Variants in GSR observed in about 807,000 individuals in gnomAD.
GSR encodes glutathione-disulfide reductase, also known as glutathione reductase, mitochondrial.
A neutral mutation model predicts 56.5 loss-of-function variants in GSR; 48 were observed. The ratio of observed to expected loss-of-function variants is 0.85; its 90% CI spans 0.67 to 1.08. The LOEUF (loss-of-function observed/expected upper bound fraction) is 1.08. GSR is among the 50% of genes least tolerant of loss of function. The probability of loss-of-function intolerance (pLI) is 0.00; values close to 1 mark genes in which losing one functional copy is unlikely to be tolerated. For synonymous variants in GSR, 264 were observed against 270.8 expected, an observed-to-expected ratio of 0.97 and a Z score of 0.25; for missense variants, 694 against 703.3, an observed-to-expected ratio of 0.99 and a Z score of 0.15.
At chr8:30,699,812 T>C (rs189740660) in intron 6 of GSR, among the ~76,000 whole-genome samples, 2 of 152,232 alleles carry the variant, frequency 1.3e-5, no homozygotes, top group East Asian at 3.9e-4. Context: ...TGTATTAAGT[T>C]GAAGAAAGAA....
intron 11 of GSR, 102 bp downstream of exon 11, chr8:30,681,828 G>A: frequency 1.8e-6 from 2 of 1,083,600 alleles, no homozygotes; most frequent in Non-Finnish European, 2.8e-6. Context: ...TGTAATCTGG[G>A]GCTGAGATAG....
At position 30,727,676 on chromosome 8, in the gene GSR, C is replaced by T; in HGVS notation, c.160G>A (p.Gly54Ser). 1 of 1,441,600 alleles carries T rather than the reference C, an allele frequency of 6.9e-7. No homozygotes were observed. The highest frequency in any genetic ancestry group is 9.0e-7 in the Non-Finnish European group (1 of 1,107,112). 89.3% of individuals were successfully genotyped at this position (1,441,600 alleles called of 1,614,324 possible). ...MACRQEPQPQ[G>S]PPPAAGAVAS... The stretch of plus-strand genomic sequence containing the variant: ...ACGGCGCCAGCAGCGGGCGGCGGGC[C>T]CTGCGGCTGCGGCTCCTGCCTGCAG... The change falls in exon 1 of 13, where the codon GGC (glycine) becomes AGC (serine). Residue 54 changes from glycine to serine, a missense_variant. Transcript: ENST00000221130.
chr8:30,699,773 G>A (rs1803666257), intron 6 of GSR, among the ~76,000 whole-genome samples: 1 of 151,994 alleles, frequency 6.6e-6, no homozygotes, highest in Admixed American at 6.6e-5. Context: ...TAAAATACAA[G>A]CTACTTTAGA....
At chr8:30,715,427 C>A (rs796090991) in intron 1 of GSR, among the ~76,000 whole-genome samples, 14 of 152,164 alleles carry the variant, frequency 9.2e-5, no homozygotes, top group African/African-American at 3.1e-4. Context: ...TAAGCCATTT[C>A]TAAGAAAGGA....
chr8:30,700,722 C>CAAAAAAAAAAAAAAAAAA (rs1563535549), intron 5 of GSR, among the ~76,000 whole-genome samples: 2 of 8,424 alleles, frequency 2.4e-4, no homozygotes, highest in African/African-American at 3.4e-4. Flanking sequence ...GATTTTGTCT[C>CAAAAAAAAAAAAAAAAAA]CAAAAAAAAA....
In GSR at chr8:30,703,106, C is replaced by G. The variant is rs775254703; in HGVS notation, c.627G>C (p.Glu209Asp). 27 of 1,614,114 alleles carry G rather than the reference C, an allele frequency of 1.7e-5. No individual in the cohort carries two copies. Among genetic ancestry groups the G allele is most frequent in the Non-Finnish European group, 2.3e-5 (27 of 1,180,002 alleles). The change falls in exon 5 of 13, where the codon GAG becomes GAC. Residue 209 changes from glutamate (E) to aspartate (D), a missense_variant. Glu to Asp is a conservative substitution (Grantham distance 45). Coordinates refer to ENST00000221130, the MANE Select transcript of GSR (RefSeq NM_000637.5). ...ATGGMPSTPHESQIPGASLGI... is the reference protein window; with the variant it reads ...ATGGMPSTPHDSQIPGASLGI... ...TGTATGACTCACCGGGGATCTGGCT[C>G]TCATGAGGGGTGGAGGGCATACCAC...
chr8:30,703,157 G>A lies in GSR; in HGVS notation c.576C>T (p.Thr192=), dbSNP rs547801306. The A allele has an allele frequency of 4.3e-5, 69 of 1,614,014 alleles. 1 individual carries two copies. In the South Asian group the frequency reaches 5.1e-4, roughly 12 times the overall value. ...PTIEVSGKKY[T]APHILIATGG... is the part of the protein sequence containing the mutation. Reference sequence around the variant, plus strand: ...CTGTGGCGATCAGGATGTGTGGGGCGGTGTACTTTTTCCCACTGACCTCTA... The same window carrying A: ...CTGTGGCGATCAGGATGTGTGGGGCAGTGTACTTTTTCCCACTGACCTCTA... The change falls in exon 5 of 13, where the codon ACC becomes ACT. Residue 192 remains threonine (T), a synonymous_variant. Coordinates refer to ENST00000221130, the MANE Select transcript of GSR (RefSeq NM_000637.5).
Position 30,682,166 on chromosome 8 carries a change from C to A in GSR, c.1154-105G>T, listed in dbSNP as rs998703354. On this transcript the variant is annotated intron_variant, in intron 10 of 12. Coordinates refer to ENST00000221130, the MANE Select transcript of GSR (RefSeq NM_000637.5). ...ATCTACCTTAATGCCCTAGTTCTGA[C>A]AGTTTCACACCATTGTTCATTACAC... The A allele has an allele frequency of 1.4e-5, 13 of 903,806 alleles. No individual in the cohort carries two copies. The African/African-American group carries it at 1.6e-4, about 11-fold the overall frequency. 56.0% of individuals were successfully genotyped at this position (903,806 alleles called of 1,614,324 possible).
At chr8:30,699,323 A>G (rs532321045) in intron 6 of GSR, among the ~76,000 whole-genome samples, 10 of 151,918 alleles carry the variant, frequency 6.6e-5, no homozygotes, top group Admixed American at 6.6e-4. Context: ...TTAAAAGAAA[A>G]TCTGGCCAGG....
chr8:30,709,957 G>GA (rs1804073555), intron 2 of GSR, 55 bp from the exon 3 acceptor site: 1 of 935,254 alleles, frequency 1.1e-6, no homozygotes, highest in Non-Finnish European at 1.7e-6. Flanking sequence ...AGTCCTGAGG[G>GA]AAAAAAGGAA....
rs972125926 is a variant in GSR at position 30,685,968 on chromosome 8, A to G, written c.1042-1769T>C. On this transcript the variant is annotated intron_variant, in intron 9 of 12. Coordinates refer to ENST00000221130, the MANE Select transcript of GSR (RefSeq NM_000637.5). The stretch of plus-strand genomic sequence containing the variant: ...CACCACTGACTCCAGCCTGGGCAAC[A>G]GAAAGAGACTCTGCCTCAAAAAAAA... 2.1e-5 allele frequency among the ~76,000 whole-genome samples: 3 copies of G among 143,380 alleles called. No homozygotes were observed. The Admixed American group carries it at 2.2e-4, about 10-fold the overall frequency. 94.1% of individuals were successfully genotyped at this position (143,380 alleles called of 152,430 possible). A position where few individuals can be genotyped will look rare whatever the true frequency, so the allele number is the denominator to read the frequency against.
chr8:30,679,774 C>T (rs1245479753), intron 12 of GSR, 105 bp from the exon 13 acceptor site: 20 of 994,216 alleles, frequency 2.0e-5, no homozygotes, highest in Admixed American at 1.2e-4. Context: ...GGCATGATCT[C>T]GGCTCGCTGC....
intron 9 of GSR, among the ~76,000 whole-genome samples, chr8:30,686,421 C>G (rs1450893240): frequency 6.6e-6 from 1 of 151,806 alleles, no homozygotes; most frequent in African/African-American, 2.4e-5. Flanking sequence ...TGCAATGGCT[C>G]ATGCCTGTAA....
chr8:30,687,436 A>T (rs1164479856), intron 9 of GSR: 1 of 151,968 alleles, frequency 6.6e-6, no homozygotes, highest in Non-Finnish European at 1.5e-5. Context: ...ACCTGAGGTC[A>T]GGAGTTCGAG....
rs778720785 is a variant in GSR at position 30,727,626 on chromosome 8, G to C, written c.210C>G (p.Ile70Met). The change falls in exon 1 of 13, where the codon ATC (isoleucine) becomes ATG (methionine). Residue 70 changes from isoleucine (I) to methionine (M), a missense_variant. Physicochemically the swap from Ile to Met is conservative, Grantham distance 10 (BLOSUM62 1). Transcript: ENST00000221130. The part of the protein sequence containing the change: ...GAVASYDYLV[I>M]GGGSGGLASA... ...TGGCCAGCCCGCCCGAGCCGCCCCC[G>C]ATCACCAGGTAGTCATAGGAGGCCA... 2.7e-5 allele frequency: 41 copies of C among 1,509,076 alleles called. No homozygotes were observed. The East Asian group carries it at 1.0e-3, about 38-fold the overall frequency. 93.5% of individuals were successfully genotyped at this position (1,509,076 alleles called of 1,614,324 possible).
intron 4 of GSR, among the ~76,000 whole-genome samples, chr8:30,706,168 C>A (rs1803911695): frequency 6.7e-6 from 1 of 148,802 alleles, no homozygotes; most frequent in South Asian, 2.2e-4. Context: ...AGAGTAAGAC[C>A]CTTTTCAAAA....
At chr8:30,692,495 CTTTTT>C (rs71206280) in intron 8 of GSR, among the ~76,000 whole-genome samples, 2 of 59,062 alleles carry the variant, frequency 3.4e-5, no homozygotes, top group African/African-American at 7.2e-5. Context: ...CACACCCAGA[CTTTTT>C]TTTTTTTTTT....
intron 1 of GSR, chr8:30,727,064 A>C: frequency 6.5e-6 from 1 of 154,736 alleles, no homozygotes; most frequent in Non-Finnish European, 1.4e-5. Context: ...CAAGGTTGAC[A>C]ACAACCGCTA....
intron 2 of GSR, among the ~76,000 whole-genome samples, chr8:30,711,049 G>A (rs1804124788): frequency 6.6e-6 from 1 of 152,096 alleles, no homozygotes. Flanking sequence ...AAAGGAAATA[G>A]TTGAGGGAAA....
Sources: gnomAD v4.1 joint callset for allele counts (sites outside exome capture counted in the v4.1 genomes callset) on GRCh38, gnomAD v4.1.1 for gene constraint, MANE v1.5 for transcripts, NCBI Gene and HGNC (gene_info 2026-07-23, HGNC 2026-07-21) for gene names.